The following AFG2B variants were observed in gnomAD, a reference collection of about 807,000 sequenced individuals.
AFG2B encodes the protein AAA ATPase AFG2B.
At chr15:45,405,206 G>C in the AFG2B span, 2 of 1,034,626 alleles carry the variant, frequency 1.9e-6, no homozygotes, top group Non-Finnish European at 2.7e-6. Flanking sequence ...ACCCTTCCCA[G>C]TGTCTGGTTG....
the AFG2B span, among the ~76,000 whole-genome samples, chr15:45,406,602 C>T: frequency 6.6e-6 from 1 of 152,028 alleles, no homozygotes; most frequent in East Asian, 1.9e-4. Flanking sequence ...TTGTAAAATC[C>T]AGTATTTTGT....
chr15:45,414,705 C>T, the AFG2B span: 1 of 1,614,204 alleles, frequency 6.2e-7, no homozygotes, highest in South Asian at 1.1e-5. Context: ...CAAGCTGTCA[C>T]TGCTCTTTCG....
chr15:45,418,225 T>G, the AFG2B span, among the ~76,000 whole-genome samples: 2 of 151,152 alleles, frequency 1.3e-5, no homozygotes, highest in Non-Finnish European at 2.9e-5. Flanking sequence ...GCGCCTGTAA[T>G]CCCAGCTACT....
the AFG2B span, chr15:45,410,313 T>TA: frequency 6.4e-7 from 1 of 1,573,580 alleles, no homozygotes; most frequent in Non-Finnish European, 8.6e-7. Context: ...AATTGTGCTA[T>TA]AAAAAAAGAC....
the AFG2B span, among the ~76,000 whole-genome samples, chr15:45,405,129 C>T: frequency 6.6e-6 from 1 of 152,172 alleles, no homozygotes; most frequent in East Asian, 1.9e-4. Flanking sequence ...AAACATTACA[C>T]ATATTCCTTC....
At chr15:45,411,448 G>C in the AFG2B span, among the ~76,000 whole-genome samples, 4 of 152,164 alleles carry the variant, frequency 2.6e-5, no homozygotes, top group Non-Finnish European at 4.4e-5. Context: ...CCACCAAGTA[G>C]CTGGGACTAC....
chr15:45,407,220 G>A, the AFG2B span: 2 of 1,226,736 alleles, frequency 1.6e-6, no homozygotes, highest in Admixed American at 5.8e-5. Context: ...AGACAACTGG[G>A]AAGGTACTGG....
At chr15:45,410,927 C>T in the AFG2B span, among the ~76,000 whole-genome samples, 2 of 151,990 alleles carry the variant, frequency 1.3e-5, no homozygotes, top group African/African-American at 2.4e-5. Context: ...TAAGGCTGGG[C>T]GCAGTGGCTC....
chr15:45,416,060 C>A, the AFG2B span, among the ~76,000 whole-genome samples: 3 of 152,174 alleles, frequency 2.0e-5, no homozygotes, highest in Non-Finnish European at 4.4e-5. Context: ...TATAATTTTA[C>A]TTATTGCTAA....
At chr15:45,402,883 G>C in the AFG2B span, 1 of 1,598,322 alleles carries the variant, frequency 6.3e-7, no homozygotes, top group South Asian at 1.1e-5. Context: ...CGTGGTGGTC[G>C]CTCCGCCAGG....
chr15:45,402,740 G>C, the AFG2B span: 1 of 1,567,724 alleles, frequency 6.4e-7, no homozygotes, highest in Admixed American at 1.8e-5. Context: ...CTAGTGCCCT[G>C]TCCGCCCCTG....
the AFG2B span, among the ~76,000 whole-genome samples, chr15:45,408,367 C>T: frequency 1.1e-4 from 17 of 151,820 alleles, no homozygotes; most frequent in African/African-American, 4.1e-4. Flanking sequence ...TCTTCTCTTT[C>T]TCTCTCTCTC....
At chr15:45,402,958 C>G in the AFG2B span, 1 of 1,596,938 alleles carries the variant, frequency 6.3e-7, no homozygotes, top group Non-Finnish European at 8.5e-7. Flanking sequence ...TCCCGCTGGG[C>G]TGGTCACCCC....
chr15:45,420,611 G>A, the AFG2B span, among the ~76,000 whole-genome samples: 1 of 152,014 alleles, frequency 6.6e-6, no homozygotes, highest in Non-Finnish European at 1.5e-5. Flanking sequence ...TTAGCATAAT[G>A]TTTTTAGTGA....
the AFG2B span, among the ~76,000 whole-genome samples, chr15:45,419,661 T>TAA: frequency 6.6e-6 from 1 of 152,108 alleles, no homozygotes; most frequent in African/African-American, 2.4e-5. Flanking sequence ...TAGAACATTA[T>TAA]AAACACCCCA....
chr15:45,406,829 G>C, the AFG2B span, among the ~76,000 whole-genome samples: 1 of 152,198 alleles, frequency 6.6e-6, no homozygotes, highest in Non-Finnish European at 1.5e-5. Context: ...TATTTCTACA[G>C]TTACACCGAA....
the AFG2B span, chr15:45,402,670 C>G: frequency 1.9e-6 from 3 of 1,577,692 alleles, no homozygotes; most frequent in African/African-American, 1.4e-5. Flanking sequence ...GTGCGCGAGC[C>G]CCGGGGCGGC....
the AFG2B span, chr15:45,418,656 G>C: frequency 6.2e-7 from 1 of 1,613,684 alleles, no homozygotes; most frequent in Non-Finnish European, 8.5e-7. Context: ...TTTTTCTGGA[G>C]CTGATCTTAG....
At chr15:45,414,947 A>G in the AFG2B span, among the ~76,000 whole-genome samples, 2 of 152,212 alleles carry the variant, frequency 1.3e-5, no homozygotes, top group African/African-American at 4.8e-5. Flanking sequence ...AATCCTTCAT[A>G]ATCCTCCTAC....
Sources: allele counts gnomAD v4.1 joint callset (sites outside exome capture counted in the v4.1 genomes callset), GRCh38; gene constraint gnomAD v4.1.1; transcripts MANE v1.5; gene names NCBI Gene and HGNC (gene_info 2026-07-23, HGNC 2026-07-21).